The following SPTLC3 variants were observed in gnomAD, a reference collection of about 807,000 sequenced individuals.
The protein encoded by SPTLC3 is serine palmitoyltransferase 3.
In SPTLC3, 36 loss-of-function variants were observed where a neutral mutation model predicts 59.3. The ratio of observed to expected loss-of-function variants is 0.61; its 90% CI spans 0.47 to 0.80. SPTLC3 has a LOEUF of 0.80. SPTLC3 is among the 30% of genes least tolerant of loss of function. The pLI is 0.00. For missense variants in SPTLC3, 625 were observed against 685.1 expected (o/e 0.91, Z 0.98); for synonymous variants, 257 against 240.8 (o/e 1.07, Z -0.62).
intron 2 of SPTLC3, among the ~76,000 whole-genome samples, chr20:13,067,293 C>T (rs1185952571): frequency 6.6e-6 from 1 of 151,790 alleles, no homozygotes; most frequent in African/African-American, 2.4e-5. Flanking sequence ...TATTTATTAG[C>T]CCAATAGAAA....
rs913355015 is a variant in SPTLC3 at position 13,025,893 on chromosome 20, C to T, written c.117+16509C>T. 6.6e-5 allele frequency among the ~76,000 whole-genome samples: 10 copies of T among 152,178 alleles called. 1 individual carries two copies. The highest frequency in any genetic ancestry group is 2.0e-4 in the Admixed American group (3 of 15,284). ...CTTCTCCCTCCTCCCACCCTCCACCCTCCATTAGGTCCCAGTGTGTGTTGT... is the reference window on the plus strand; with the variant it reads ...CTTCTCCCTCCTCCCACCCTCCACCTTCCATTAGGTCCCAGTGTGTGTTGT... On this transcript the variant is annotated intron_variant, in intron 1 of 11. Coordinates refer to ENST00000399002, the MANE Select transcript of SPTLC3 (RefSeq NM_018327.4).
At chr20:13,093,043 GAAGT>G (rs1176172883) in intron 5 of SPTLC3, among the ~76,000 whole-genome samples, 1 of 152,156 alleles carries the variant, frequency 6.6e-6, no homozygotes, top group African/African-American at 2.4e-5. Context: ...ATAAGAATCA[GAAGT>G]AAGAGCTTGA....
intron 9 of SPTLC3, among the ~76,000 whole-genome samples, chr20:13,143,349 G>GTA (rs756742725): frequency 4.5e-4 from 68 of 151,686 alleles, no homozygotes; most frequent in Non-Finnish European, 6.2e-4. Context: ...GTGTATGAAA[G>GTA]TATATATATA....
At chr20:13,020,052 G>A (rs367720007) in intron 1 of SPTLC3, among the ~76,000 whole-genome samples, 2 of 152,206 alleles carry the variant, frequency 1.3e-5, no homozygotes, top group African/African-American at 2.4e-5. Flanking sequence ...TATAAAACTA[G>A]GCTATTTCTG....
chr20:13,091,376 C>A (rs528181641), intron 5 of SPTLC3, among the ~76,000 whole-genome samples, 169 bp downstream of exon 5: 5 of 152,066 alleles, frequency 3.3e-5, no homozygotes, highest in African/African-American at 1.2e-4. Flanking sequence ...AGACCTAGAT[C>A]ATCCTGGCCA....
rs904000312 is a variant in SPTLC3 at position 13,117,613 on chromosome 20, C to A, written c.1040C>A (p.Thr347Asn). The change falls in exon 8 of 12, where the codon ACC becomes AAC. Residue 347 changes from threonine (T) to asparagine (N), a missense_variant. Thr to Asn is a moderately conservative substitution (Grantham distance 65, BLOSUM62 0). Coordinates refer to ENST00000399002, the MANE Select transcript of SPTLC3 (RefSeq NM_018327.4). The part of the protein sequence containing the change: ...EAHSIGAVGP[T>N]GRGVTEFFGL... The stretch of plus-strand genomic sequence containing the variant: ...CACAGTATTGGGGCCGTGGGCCCAA[C>A]CGGCCGGGGTGTCACGGAGTTCTTT... The A allele has an allele frequency of 6.2e-7, 1 of 1,614,056 alleles. No individual in the cohort carries two copies. Among genetic ancestry groups the A allele is most frequent in the African/African-American group, 1.3e-5 (1 of 75,022 alleles).
intron 2 of SPTLC3, among the ~76,000 whole-genome samples, chr20:13,057,770 T>C (rs993487110): frequency 6.6e-6 from 1 of 152,228 alleles, no homozygotes; most frequent in African/African-American, 2.4e-5. Context: ...AATATCTCTT[T>C]GTTTTAATAA....
chr20:13,051,480 G>A (rs547102822), intron 2 of SPTLC3, among the ~76,000 whole-genome samples: 16 of 152,268 alleles, frequency 1.1e-4, no homozygotes, highest in South Asian at 8.3e-4. Context: ...ACAGCAACAC[G>A]ATAATAGTGA....
intron 4 of SPTLC3, among the ~76,000 whole-genome samples, chr20:13,081,874 G>A (rs1312505615): frequency 6.6e-6 from 1 of 152,132 alleles, no homozygotes; most frequent in African/African-American, 2.4e-5. Flanking sequence ...AGGAGAATGG[G>A]ACTCTTGGAG....
chr20:13,080,055 G>A (rs1382040442), intron 4 of SPTLC3, among the ~76,000 whole-genome samples: 5 of 152,012 alleles, frequency 3.3e-5, no homozygotes, highest in Admixed American at 6.6e-5. Context: ...TAGAAAACAA[G>A]GTTAACAAAG....
At chr20:13,057,646 A>G (rs1987783587) in intron 2 of SPTLC3, among the ~76,000 whole-genome samples, 1 of 152,238 alleles carries the variant, frequency 6.6e-6, no homozygotes, top group African/African-American at 2.4e-5. Context: ...TCCTTCCAAG[A>G]CAGCACTAAA....
intron 8 of SPTLC3, among the ~76,000 whole-genome samples, chr20:13,123,013 A>G (rs1178113264): frequency 6.6e-6 from 1 of 152,112 alleles, no homozygotes; most frequent in African/African-American, 2.4e-5. Context: ...TCCCAGTTCT[A>G]AGAATCTTTC....
rs532811777 is a variant in SPTLC3 at position 13,165,230 on chromosome 20, A to G, written c.*363A>G. On this transcript the variant is annotated 3_prime_UTR_variant, in exon 12 of 12. Coordinates refer to ENST00000399002, the MANE Select transcript of SPTLC3 (RefSeq NM_018327.4). The stretch of plus-strand genomic sequence containing the variant: ...ATGAGAGAATTTAAAATTTTTATTC[A>G]GTAAGTTCACTATGTGTTTACTTAT... 2.7e-5 allele frequency: 5 copies of G among 185,588 alleles called. 1 individual carries two copies. In the South Asian group the frequency reaches 6.0e-4, roughly 22 times the overall value. 11.5% of individuals were successfully genotyped at this position (185,588 alleles called of 1,614,324 possible). A position where few individuals can be genotyped will look rare whatever the true frequency, so the allele number is the denominator to read the frequency against.
intron 7 of SPTLC3, among the ~76,000 whole-genome samples, chr20:13,111,883 A>G (rs1196467844): frequency 2.0e-5 from 3 of 152,198 alleles, no homozygotes; most frequent in South Asian, 2.1e-4. Context: ...TTACTGGCAA[A>G]TATTCCCATC....
rs186977212 is a variant in SPTLC3 at position 13,076,335 on chromosome 20, T to C, written c.607+1838T>C. Among the ~76,000 whole-genome samples, 10 of 152,320 alleles carry C rather than the reference T, an allele frequency of 6.6e-5. No homozygotes were observed. The East Asian group carries it at 1.7e-3, about 26-fold the overall frequency. The stretch of plus-strand genomic sequence containing the variant: ...ATTTATTCTAATGAACACAGGTAAC[T>C]TCTGGAAAACGTGTCTTAAGAGAAT... On this transcript the variant is annotated intron_variant, in intron 4 of 11. Transcript: ENST00000399002.
chr20:13,036,725 A>G (rs1986751619), intron 1 of SPTLC3, among the ~76,000 whole-genome samples: 2 of 152,094 alleles, frequency 1.3e-5, no homozygotes, highest in Admixed American at 6.6e-5. Flanking sequence ...TTAACCAATC[A>G]GAGTTGATTT....
chr20:13,135,622 C>T (rs1269963459), intron 9 of SPTLC3, among the ~76,000 whole-genome samples: 3 of 152,184 alleles, frequency 2.0e-5, no homozygotes, highest in African/African-American at 7.2e-5. Context: ...TACGGGCCCA[C>T]TTATCTGAAG....
intron 4 of SPTLC3, among the ~76,000 whole-genome samples, chr20:13,089,564 T>C (rs371655602): frequency 2.0e-5 from 3 of 152,206 alleles, no homozygotes; most frequent in East Asian, 1.9e-4. Context: ...AGCGGGTGGA[T>C]TGACTGAGCT....
At chr20:13,090,022 G>C (rs1017503192) in intron 4 of SPTLC3, among the ~76,000 whole-genome samples, 1 of 152,088 alleles carries the variant, frequency 6.6e-6, no homozygotes, top group Non-Finnish European at 1.5e-5. Flanking sequence ...AATAAAATTT[G>C]AAATTCAGTT....
Sources: gnomAD v4.1 joint callset for allele counts (sites outside exome capture counted in the v4.1 genomes callset) on GRCh38, gnomAD v4.1.1 for gene constraint, MANE v1.5 for transcripts, NCBI Gene and HGNC (gene_info 2026-07-23, HGNC 2026-07-21) for gene names.